The following ZNF678 variants were observed in gnomAD, a reference collection of about 807,000 sequenced individuals.
The protein encoded by ZNF678 is hypothetical protein MGC42493.
Under a neutral mutation model 3.0 loss-of-function variants are expected in ZNF678, and 5 were observed. The observed-to-expected ratio is 1.69, with a 90% CI of 0.88 to 3.56. The LOEUF is 3.56. Among genes scored for constraint, ZNF678 ranks in the 30% most tolerant of loss-of-function variants. The pLI is 0.00. For missense variants in ZNF678, 593 were observed against 605.0 expected (o/e 0.98, Z 0.21); for synonymous variants, 218 against 199.6 (o/e 1.09, Z -0.78).
intron 1 of ZNF678, among the ~76,000 whole-genome samples, chr1:227,588,457 A>C (rs1657320500): frequency 6.6e-6 from 1 of 151,326 alleles, no homozygotes; most frequent in Non-Finnish European, 1.5e-5. Flanking sequence ...AACAGTGTAA[A>C]AGTGCTTCTT....
intron 1 of ZNF678, among the ~76,000 whole-genome samples, chr1:227,610,095 C>G (rs1013810044): frequency 6.6e-6 from 1 of 152,120 alleles, no homozygotes; most frequent in Non-Finnish European, 1.5e-5. Flanking sequence ...AAGTAACATA[C>G]AGAGTGTTCT....
intron 1 of ZNF678, among the ~76,000 whole-genome samples, chr1:227,636,426 G>A (rs1229082413): frequency 6.6e-6 from 1 of 152,162 alleles, no homozygotes; most frequent in South Asian, 2.1e-4. Flanking sequence ...ACACGCATTT[G>A]GTTTTGTTGC....
At chr1:227,586,147 A>G (rs1365504579) in intron 1 of ZNF678, among the ~76,000 whole-genome samples, 1 of 152,200 alleles carries the variant, frequency 6.6e-6, no homozygotes, top group Non-Finnish European at 1.5e-5. Context: ...GAGTCTGTGA[A>G]TAACCACTGT....
intron 1 of ZNF678, among the ~76,000 whole-genome samples, chr1:227,568,177 T>C (rs1050326272): frequency 5.3e-5 from 8 of 152,198 alleles, no homozygotes; most frequent in Admixed American, 1.3e-4. Context: ...AGCACTAAGC[T>C]TGTGGGAGTT....
downstream of ZNF678, among the ~76,000 whole-genome samples, chr1:227,664,630 A>T (rs1659471895): frequency 6.6e-6 from 1 of 152,332 alleles, no homozygotes; most frequent in South Asian, 2.1e-4. Context: ...GCCTTGGAAA[A>T]GTCAGGATAT....
chr1:227,672,607 C>T (rs11581157), intron 5 of ZNF678, among the ~76,000 whole-genome samples: 6 of 152,044 alleles, frequency 3.9e-5, no homozygotes, highest in Non-Finnish European at 8.8e-5. Flanking sequence ...CTCCTCTCAG[C>T]TAGGAAAAGC....
intron 1 of ZNF678, among the ~76,000 whole-genome samples, chr1:227,608,231 A>G (rs1396048400): frequency 6.6e-6 from 1 of 152,126 alleles, no homozygotes; most frequent in African/African-American, 2.4e-5. Flanking sequence ...ATATAATTTG[A>G]GGTTACTTAA....
intron 1 of ZNF678, among the ~76,000 whole-genome samples, chr1:227,586,284 CAG>C (rs1380554171): frequency 2.6e-5 from 4 of 152,126 alleles, no homozygotes; most frequent in Admixed American, 2.6e-4. Flanking sequence ...AATGAATTAA[CAG>C]AAACTGTCTT....
intron 1 of ZNF678, among the ~76,000 whole-genome samples, chr1:227,639,311 T>C (rs1279568924): frequency 6.6e-6 from 1 of 152,236 alleles, no homozygotes; most frequent in South Asian, 2.1e-4. Flanking sequence ...GGGCCCCTGA[T>C]GGCAGAGGCA....
chr1:227,603,457 C>G (rs1307200843), intron 1 of ZNF678, among the ~76,000 whole-genome samples: 2 of 152,170 alleles, frequency 1.3e-5, no homozygotes, highest in African/African-American at 4.8e-5. Context: ...GCCACCAGCA[C>G]AGAGGAGGAC....
chr1:227,578,966 A>G (rs1657053069), intron 1 of ZNF678, among the ~76,000 whole-genome samples: 1 of 152,142 alleles, frequency 6.6e-6, no homozygotes, highest in South Asian at 2.1e-4. Context: ...TGATTGTGGT[A>G]AAATGTGGAT....
intron 1 of ZNF678, among the ~76,000 whole-genome samples, chr1:227,594,435 A>T (rs908974411): frequency 1.3e-5 from 2 of 152,212 alleles, no homozygotes; most frequent in African/African-American, 4.8e-5. Context: ...CTTTAAGAAA[A>T]ACCTGCTGTG....
At chr1:227,597,473 G>A (rs571405239) in intron 1 of ZNF678, among the ~76,000 whole-genome samples, 6 of 152,294 alleles carry the variant, frequency 3.9e-5, no homozygotes, top group East Asian at 1.9e-4. Flanking sequence ...TAAAACATGC[G>A]TTTTAGAATC....
chr1:227,668,629 G>T (rs919864945), intron 5 of ZNF678, among the ~76,000 whole-genome samples: 1 of 152,202 alleles, frequency 6.6e-6, no homozygotes, highest in East Asian at 1.9e-4. Context: ...AGCCACTGGG[G>T]TCTACAAGTG....
At chr1:227,633,460 A>C (rs1658601531) in intron 1 of ZNF678, among the ~76,000 whole-genome samples, 1 of 152,156 alleles carries the variant, frequency 6.6e-6, no homozygotes, top group Admixed American at 6.5e-5. Flanking sequence ...GTGTGAGCTG[A>C]GTTACAAGCC....
At chr1:227,668,736 T>C (rs1157255539) in intron 5 of ZNF678, among the ~76,000 whole-genome samples, 2 of 152,204 alleles carry the variant, frequency 1.3e-5, no homozygotes, top group African/African-American at 4.8e-5. Flanking sequence ...TTAAATTTTT[T>C]ATATGATGAA....
intron 1 of ZNF678, among the ~76,000 whole-genome samples, chr1:227,585,364 A>G (rs566412383): frequency 1.4e-4 from 21 of 152,252 alleles, no homozygotes; most frequent in Non-Finnish European, 2.6e-4. Context: ...AAAGTAATAC[A>G]TATCTATGAA....
Position 227,658,607 on chromosome 1 carries a change from ACTGTTCT to A in ZNF678, c.*2783_*2789del, listed in dbSNP as rs1411557121. 1.3e-5 allele frequency: 2 copies of A among 152,006 alleles called. No individual in the cohort carries two copies. The highest frequency in any genetic ancestry group is 2.9e-5 in the Non-Finnish European group (2 of 67,952). 9.4% of individuals were successfully genotyped at this position (152,006 alleles called of 1,614,324 possible). ...TGCTTATTATGGCTACAGATTTCTCACTGTTCTCTGCAGCCCATGTAATTTCATACAG... is the reference window on the plus strand; with the variant it reads ...TGCTTATTATGGCTACAGATTTCTCACTGCAGCCCATGTAATTTCATACAG... On this transcript the variant is annotated 3_prime_UTR_variant, in exon 4 of 4. Transcript: ENST00000343776.
At chr1:227,665,944 A>G (rs923206731), downstream of ZNF678, among the ~76,000 whole-genome samples, 21 of 151,972 alleles carry the variant, frequency 1.4e-4, no homozygotes, top group East Asian at 1.7e-3. Flanking sequence ...TTCTTCTTCA[A>G]TCCAATCCTA....
Sources: allele counts gnomAD v4.1 joint callset (sites outside exome capture counted in the v4.1 genomes callset), GRCh38; gene constraint gnomAD v4.1.1; transcripts MANE v1.5; gene names NCBI Gene and HGNC (gene_info 2026-07-23, HGNC 2026-07-21).